ITPK1: variants seen among roughly 807,000 people sequenced by gnomAD.
ITPK1 encodes the protein inositol 1,3,4-trisphosphate 5/6-kinase.
ITPK1 carries 21 observed loss-of-function variants against 45.3 expected under a neutral mutation model. That is an observed-to-expected ratio of 0.46 (90% CI 0.33 to 0.67). The LOEUF (loss-of-function observed/expected upper bound fraction) is 0.67, where lower values mean the gene tolerates loss of function less well. Ranked by LOEUF, ITPK1 falls within the 30% of genes least tolerant of loss-of-function variation. ITPK1 has a pLI of 0.02. For synonymous variants in ITPK1, 258 were observed against 253.6 expected, an observed-to-expected ratio of 1.02 and a Z score of -0.16; for missense variants, 474 against 573.5, an observed-to-expected ratio of 0.83 and a Z score of 1.77.
chr14:93,025,915 T>C (rs1263287086), intron 3 of ITPK1, among the ~76,000 whole-genome samples: 2 of 152,068 alleles, frequency 1.3e-5, no homozygotes, highest in Middle Eastern at 3.4e-3. Context: ...ATCGCCTGAG[T>C]CCAGGAGTTT....
At chr14:93,055,332 G>C (rs1595172894) in intron 3 of ITPK1, among the ~76,000 whole-genome samples, 1 of 152,118 alleles carries the variant, frequency 6.6e-6, no homozygotes, top group Admixed American at 6.6e-5. Context: ...TGCCATGGAG[G>C]ATTTGCAGGG....
chr14:92,938,284 G>A lies in ITPK1; in HGVS notation c.*3277C>T. The stretch of plus-strand genomic sequence containing the variant: ...GAGTTTCTAGGGAATAGAAGAGAGG[G>A]CAGATACAGACCCCAGGGACATTAG... On this transcript the variant is annotated 3_prime_UTR_variant, in exon 11 of 11. Transcript: ENST00000267615. 1 of 616,910 alleles carries A rather than the reference G, an allele frequency of 1.6e-6. No individual in the cohort carries two copies. Among genetic ancestry groups the A allele is most frequent in the Admixed American group, 2.7e-5 (1 of 36,540 alleles). 38.2% of individuals were successfully genotyped at this position (616,910 alleles called of 1,614,324 possible).
intron 2 of ITPK1, among the ~76,000 whole-genome samples, chr14:93,095,963 T>C (rs1261960866): frequency 6.6e-6 from 1 of 152,164 alleles, no homozygotes; most frequent in Non-Finnish European, 1.5e-5. Context: ...TTTCACGGAC[T>C]ATGTTGTGGG....
rs182464876 is a variant in ITPK1, at chr14:93,067,792, A to G, written c.120+8803T>C. On this transcript the variant is annotated intron_variant, in intron 3 of 10. Transcript: ENST00000267615. The stretch of plus-strand genomic sequence containing the variant: ...ATTATTAAAAAACACTATGGGGATC[A>G]TGCTTTCACATAACTTTGTCTTATT... 913 of 153,214 alleles carry G rather than the reference A, an allele frequency of 6.0e-3. 4 individuals carry two copies. The highest frequency in any genetic ancestry group is 9.0e-3 in the Non-Finnish European group (613 of 68,036). The allele number at this position is 153,214 out of a possible 1,614,324, so 9.5% of individuals were successfully genotyped here.
intron 3 of ITPK1, among the ~76,000 whole-genome samples, chr14:93,045,259 T>G (rs1889726801): frequency 6.6e-6 from 1 of 152,244 alleles, no homozygotes; most frequent in Non-Finnish European, 1.5e-5. Flanking sequence ...TCAGCAGCTC[T>G]GCCTCCCGCA....
At chr14:93,095,959 G>A (rs114811512) in intron 2 of ITPK1, among the ~76,000 whole-genome samples, 75 of 152,180 alleles carry the variant, frequency 4.9e-4, no homozygotes, top group African/African-American at 1.6e-3. Flanking sequence ...AGTATTTCAC[G>A]GACTATGTTG....
chr14:93,090,093 C>G (rs1290611774), intron 2 of ITPK1, among the ~76,000 whole-genome samples: 1 of 152,092 alleles, frequency 6.6e-6, no homozygotes, highest in African/African-American at 2.4e-5. Flanking sequence ...CTCATCACCC[C>G]CCAGCCCCTG....
chr14:93,094,434 A>G (rs1194579986), intron 2 of ITPK1, among the ~76,000 whole-genome samples: 1 of 151,982 alleles, frequency 6.6e-6, no homozygotes, highest in East Asian at 1.9e-4. Context: ...GCTGCACACC[A>G]CCCATACAGC....
At chr14:92,989,947 A>C (rs1216756399) in intron 5 of ITPK1, among the ~76,000 whole-genome samples, 2 of 152,176 alleles carry the variant, frequency 1.3e-5, no homozygotes, top group Non-Finnish European at 2.9e-5. Context: ...CTGAGGTCAC[A>C]GGCCGAGGCC....
At chr14:92,956,981 T>C (rs1189847249) in intron 8 of ITPK1, among the ~76,000 whole-genome samples, 1 of 152,206 alleles carries the variant, frequency 6.6e-6, no homozygotes, top group Non-Finnish European at 1.5e-5. Flanking sequence ...GAAGGCCACC[T>C]GCCCTCGGAG....
intron 2 of ITPK1, among the ~76,000 whole-genome samples, chr14:93,107,926 T>C (rs1278565203): frequency 6.6e-6 from 1 of 152,220 alleles, no homozygotes; most frequent in Non-Finnish European, 1.5e-5. Flanking sequence ...CCCACAGGTA[T>C]GGCCTGGCCA....
At chr14:93,107,460 C>T (rs114481039) in intron 2 of ITPK1, among the ~76,000 whole-genome samples, 4 of 152,302 alleles carry the variant, frequency 2.6e-5, no homozygotes, top group African/African-American at 9.6e-5. Flanking sequence ...AAGATTCTGA[C>T]GGCGAGAGAG....
At chr14:92,950,747 T>C (rs767195011) in intron 9 of ITPK1, among the ~76,000 whole-genome samples, 38 of 152,198 alleles carry the variant, frequency 2.5e-4, no homozygotes, top group Non-Finnish European at 2.8e-4. Context: ...AGCAAAGCCA[T>C]GCACGGAAGA....
At chr14:93,096,425 C>T (rs1892082467) in intron 2 of ITPK1, among the ~76,000 whole-genome samples, 1 of 152,244 alleles carries the variant, frequency 6.6e-6, no homozygotes, top group African/African-American at 2.4e-5. Flanking sequence ...CAGACTAAAG[C>T]TCCAAATGAC....
In ITPK1 at chr14:92,940,550, A is replaced by G. The variant is rs1887311595; in HGVS notation, c.*1011T>C. Reference sequence around the variant, plus strand: ...GAGGAGGGACCCAGCAGGTGTGAAAAGGAGTGAACCCACTGGGAAGAGGGC... The same window carrying G: ...GAGGAGGGACCCAGCAGGTGTGAAAGGGAGTGAACCCACTGGGAAGAGGGC... On this transcript the variant is annotated 3_prime_UTR_variant, in exon 11 of 11. Coordinates refer to ENST00000267615, the MANE Select transcript of ITPK1 (RefSeq NM_014216.6). The G allele has an allele frequency of 1.7e-6, 2 of 1,171,740 alleles. No individual in the cohort carries two copies. The highest frequency in any genetic ancestry group is 7.8e-5 in the Admixed American group (2 of 25,768). The allele number at this position is 1,171,740 out of a possible 1,614,324, so 72.6% of individuals were successfully genotyped here.
intron 5 of ITPK1, among the ~76,000 whole-genome samples, chr14:92,963,148 C>T (rs1437031295): frequency 6.6e-6 from 1 of 152,228 alleles, no homozygotes; most frequent in Non-Finnish European, 1.5e-5. Context: ...ACTACTACCC[C>T]ACCACTGTGG....
At chr14:92,949,105 T>C (rs1400640032) in intron 9 of ITPK1, among the ~76,000 whole-genome samples, 1 of 151,876 alleles carries the variant, frequency 6.6e-6, no homozygotes, top group Non-Finnish European at 1.5e-5. Flanking sequence ...TTTTTTTTTT[T>C]TCTTTTGAGA....
At chr14:93,040,586 G>A (rs183216408) in intron 3 of ITPK1, among the ~76,000 whole-genome samples, 145 of 152,292 alleles carry the variant, frequency 9.5e-4, no homozygotes, top group Admixed American at 1.6e-3. Flanking sequence ...AAGCTGGCTC[G>A]TGCCTTGAGG....
chr14:92,993,786 C>T (rs1886907620), intron 5 of ITPK1, 94 bp downstream of exon 5: 2 of 774,904 alleles, frequency 2.6e-6, no homozygotes, highest in Non-Finnish European at 2.3e-6. Context: ...CTTAAAAAGA[C>T]AAGACCCCTC....
Sources: gnomAD v4.1 joint callset for allele counts (sites outside exome capture counted in the v4.1 genomes callset) on GRCh38, gnomAD v4.1.1 for gene constraint, MANE v1.5 for transcripts, NCBI Gene and HGNC (gene_info 2026-07-23, HGNC 2026-07-21) for gene names.